The following FAM168A variants were observed in gnomAD, a reference collection of about 807,000 sequenced individuals.
FAM168A encodes the protein family with sequence similarity 168 member A, also known as protein FAM168A.
In FAM168A, 3 loss-of-function variants were observed where a neutral mutation model predicts 28.5. The ratio of observed to expected loss-of-function variants is 0.11; its 90% CI spans 0.05 to 0.27. The LOEUF (loss-of-function observed/expected upper bound fraction) is 0.27, where lower values mean the gene tolerates loss of function less well. Among genes scored for constraint, FAM168A ranks in the 10% least tolerant of loss-of-function variants. The pLI, the probability that FAM168A is intolerant of heterozygous loss-of-function variation, is 1.00. For synonymous variants in FAM168A, 122 were observed against 124.2 expected, an observed-to-expected ratio of 0.98 and a Z score of 0.12; for missense variants, 222 against 311.5, an observed-to-expected ratio of 0.71 and a Z score of 2.16.
intron 1 of FAM168A, among the ~76,000 whole-genome samples, chr11:73,474,089 C>T (rs1468094786): frequency 6.6e-6 from 1 of 152,122 alleles, no homozygotes; most frequent in Non-Finnish European, 1.5e-5. Flanking sequence ...AGATTACAGA[C>T]ATGGACCACC....
At chr11:73,419,463 G>GC (rs914597595) in intron 4 of FAM168A, among the ~76,000 whole-genome samples, 11 of 152,156 alleles carry the variant, frequency 7.2e-5, no homozygotes, top group Non-Finnish European at 1.6e-4. Context: ...ACAGGACAGC[G>GC]CCCCCACAAC....
chr11:73,468,604 T>C (rs1214011857), intron 1 of FAM168A, 112 bp from the exon 2 acceptor site: 2 of 878,350 alleles, frequency 2.3e-6, no homozygotes, highest in South Asian at 3.5e-5. Context: ...CAGGGTGTAG[T>C]GGAAAGAAGA....
chr11:73,515,911 G>A (rs1183926060), intron 1 of FAM168A, among the ~76,000 whole-genome samples: 1 of 151,960 alleles, frequency 6.6e-6, no homozygotes, highest in Non-Finnish European at 1.5e-5. Context: ...GACCATCCTG[G>A]CCAACGTGGT....
intron 1 of FAM168A, among the ~76,000 whole-genome samples, chr11:73,515,079 T>C (rs1292660582): frequency 2.0e-5 from 3 of 152,002 alleles, no homozygotes; most frequent in African/African-American, 7.3e-5. Context: ...CCTCAAGGAG[T>C]GATAGAGGTG....
chr11:73,494,590 A>C (rs950581656), intron 1 of FAM168A, among the ~76,000 whole-genome samples: 2 of 152,194 alleles, frequency 1.3e-5, no homozygotes, highest in African/African-American at 4.8e-5. Context: ...GCAAAGAGCC[A>C]GGAAGAGTTT....
intron 1 of FAM168A, among the ~76,000 whole-genome samples, chr11:73,543,405 C>A (rs535601784): frequency 2.0e-5 from 3 of 151,766 alleles, no homozygotes; most frequent in Admixed American, 6.6e-5. Flanking sequence ...GGATTACAGG[C>A]ACCCGCCACC....
chr11:73,505,804 A>G (rs1855106094), intron 1 of FAM168A, among the ~76,000 whole-genome samples: 1 of 152,212 alleles, frequency 6.6e-6, no homozygotes, highest in South Asian at 2.1e-4. Flanking sequence ...AAACTGTTAC[A>G]TGGCTGATAA....
intron 2 of FAM168A, among the ~76,000 whole-genome samples, chr11:73,448,114 C>A (rs963485868): frequency 1.3e-5 from 2 of 152,150 alleles, no homozygotes; most frequent in Non-Finnish European, 2.9e-5. Flanking sequence ...GTGATGTGGT[C>A]TTGGCTCACT....
chr11:73,563,398 C>T (rs1943981907), intron 1 of FAM168A, among the ~76,000 whole-genome samples: 1 of 152,202 alleles, frequency 6.6e-6, no homozygotes, highest in African/African-American at 2.4e-5. Flanking sequence ...TGCCTACACA[C>T]TATCTGGCCC....
At chr11:73,575,680 G>A (rs1263267552) in intron 1 of FAM168A, among the ~76,000 whole-genome samples, 2 of 152,062 alleles carry the variant, frequency 1.3e-5, no homozygotes, top group East Asian at 3.9e-4. Flanking sequence ...GACCAGCCTG[G>A]TCAACGTGGT....
At chr11:73,482,637 G>A (rs1473156438) in intron 1 of FAM168A, among the ~76,000 whole-genome samples, 1 of 151,720 alleles carries the variant, frequency 6.6e-6, no homozygotes. Flanking sequence ...TCAACAGCAC[G>A]TTTATAGCAT....
chr11:73,511,240 T>C (rs1232773966), intron 1 of FAM168A, among the ~76,000 whole-genome samples: 1 of 151,934 alleles, frequency 6.6e-6, no homozygotes, highest in African/African-American at 2.4e-5. Flanking sequence ...AATTTTTCTT[T>C]TTTTTTCTTT....
In FAM168A at chr11:73,583,636, G is replaced by C. The variant is rs185203229; in HGVS notation, c.-19+14287C>G. Among the ~76,000 whole-genome samples, 6 of 152,322 alleles carry C rather than the reference G, an allele frequency of 3.9e-5. No individual in the cohort carries two copies. In the East Asian group the frequency reaches 1.2e-3, roughly 29 times the overall value. ...GTTATCTCCTAGGCTGAGTCTTAAA[G>C]GCTAAGTCAGAGTAGACCAATTAAG... is the stretch of plus-strand genomic sequence containing the variant. On this transcript the variant is annotated intron_variant, in intron 1 of 7. Transcript: ENST00000356467.
chr11:73,437,121 C>T (rs1020589113), intron 2 of FAM168A, among the ~76,000 whole-genome samples: 2 of 151,386 alleles, frequency 1.3e-5, no homozygotes, highest in East Asian at 1.9e-4. Flanking sequence ...TTTTCCAAGA[C>T]GGAGTCTTGC....
chr11:73,563,892 A>T (rs899390102), intron 1 of FAM168A, among the ~76,000 whole-genome samples: 4 of 152,214 alleles, frequency 2.6e-5, no homozygotes, highest in Non-Finnish European at 2.9e-5. Context: ...AAAAAGCCTA[A>T]TTACTGACTT....
At chr11:73,447,679 G>T (rs1565249306) in intron 2 of FAM168A, among the ~76,000 whole-genome samples, 1 of 151,648 alleles carries the variant, frequency 6.6e-6, no homozygotes, top group Non-Finnish European at 1.5e-5. Context: ...TTTCTGCTTG[G>T]GCTCTCACTG....
intron 1 of FAM168A, among the ~76,000 whole-genome samples, chr11:73,557,813 A>G (rs904000905): frequency 1.3e-5 from 2 of 152,236 alleles, no homozygotes; most frequent in Non-Finnish European, 1.5e-5. Flanking sequence ...TCGCATAAGG[A>G]CAGGTATATA....
At chr11:73,537,647 T>C (rs10898925) in intron 1 of FAM168A, among the ~76,000 whole-genome samples, 47,517 of 151,990 alleles carry the variant, frequency 0.31, 9,625 homozygotes, top group African/African-American at 0.58. Context: ...ACCAGAGACA[T>C]TCTAATGGTC....
chr11:73,532,906 AAT>A (rs1943531737), intron 1 of FAM168A, among the ~76,000 whole-genome samples: 1 of 152,202 alleles, frequency 6.6e-6, no homozygotes, highest in Non-Finnish European at 1.5e-5. Context: ...TCTGAACTTC[AAT>A]TTTCAGCTGG....
Sources: allele counts gnomAD v4.1 joint callset (sites outside exome capture counted in the v4.1 genomes callset), GRCh38; gene constraint gnomAD v4.1.1; transcripts MANE v1.5; gene names NCBI Gene and HGNC (gene_info 2026-07-23, HGNC 2026-07-21).